Variants in ACTR3C observed in about 807,000 individuals in gnomAD.
The protein encoded by ACTR3C is actin related protein 3C, also known as actin-related protein 3C.
A neutral mutation model predicts 26.3 loss-of-function variants in ACTR3C; 18 were observed. The ratio of observed to expected loss-of-function variants is 0.68; its 90% CI spans 0.47 to 1.01. The LOEUF is 1.01. Among genes scored for constraint, ACTR3C ranks in the 50% least tolerant of loss-of-function variants. The pLI is 0.00. For synonymous variants in ACTR3C, 55 were observed against 94.5 expected, an observed-to-expected ratio of 0.58 and a Z score of 2.42; for missense variants, 184 against 250.7, an observed-to-expected ratio of 0.73 and a Z score of 1.80.
At chr7:149,883,892 C>T in the ACTR3C span, among the ~76,000 whole-genome samples, 4 of 152,128 alleles carry the variant, frequency 2.6e-5, no homozygotes, top group South Asian at 2.1e-4. Context: ...CTTCCCGAAC[C>T]GTCTTCTGGT....
chr7:150,118,197 T>C, the ACTR3C span, among the ~76,000 whole-genome samples: 1 of 151,968 alleles, frequency 6.6e-6, no homozygotes, highest in African/African-American at 2.4e-5. Flanking sequence ...GGATCACAAC[T>C]CCTCACCAGC....
At chr7:149,962,359 G>C in the ACTR3C span, among the ~76,000 whole-genome samples, 2 of 152,198 alleles carry the variant, frequency 1.3e-5, no homozygotes, top group Non-Finnish European at 2.9e-5. Flanking sequence ...GATTGTGCAA[G>C]GCTTCTTGAG....
the ACTR3C span, among the ~76,000 whole-genome samples, chr7:150,097,158 A>G: frequency 2.0e-5 from 3 of 151,908 alleles, no homozygotes; most frequent in Admixed American, 1.3e-4. Flanking sequence ...AGCAATAGCT[A>G]TATGATACAC....
the ACTR3C span, among the ~76,000 whole-genome samples, chr7:149,956,697 C>A: frequency 6.0e-5 from 9 of 150,998 alleles, no homozygotes; most frequent in Non-Finnish European, 1.0e-4. Flanking sequence ...TCTCTGGTTG[C>A]AGTAGGTTAG....
chr7:149,902,727 A>G, the ACTR3C span, among the ~76,000 whole-genome samples: 1 of 85,104 alleles, frequency 1.2e-5, no homozygotes, highest in Non-Finnish European at 2.9e-5. Context: ...GGAGGATTGC[A>G]TGAGCCCACA....
the ACTR3C span, among the ~76,000 whole-genome samples, chr7:150,229,224 A>C: frequency 6.6e-6 from 1 of 151,790 alleles, no homozygotes; most frequent in Admixed American, 6.6e-5. Flanking sequence ...TATGATGTTG[A>C]ATAGGAGTGG....
chr7:150,292,720 T>C lies in ACTR3C; in HGVS notation c.153+592A>G, dbSNP rs529757103. On this transcript the variant is annotated intron_variant, in intron 3 of 7. Coordinates refer to ENST00000683684, the MANE Select transcript of ACTR3C (RefSeq NM_001164458.2). ...CCATGTTGGTCAGGCAGGTCTCGAA[T>C]TCCCGACCTCAGGTGATCCGCCCGC... 1.2e-3 allele frequency among the ~76,000 whole-genome samples: 179 copies of C among 152,258 alleles called. 5 individuals carry two copies. The South Asian group carries it at 0.036, about 31-fold the overall frequency.
At chr7:149,942,250 AATCAC>A in the ACTR3C span, among the ~76,000 whole-genome samples, 1 of 152,210 alleles carries the variant, frequency 6.6e-6, no homozygotes, top group Non-Finnish European at 1.5e-5. Flanking sequence ...AAATCACATA[AATCAC>A]ATCACCTTAG....
the ACTR3C span, among the ~76,000 whole-genome samples, chr7:150,162,661 A>G: frequency 2.6e-5 from 4 of 152,158 alleles, no homozygotes; most frequent in South Asian, 2.1e-4. Flanking sequence ...GCACCATCCT[A>G]ATATTTTTCT....
At chr7:150,112,468 C>G in the ACTR3C span, among the ~76,000 whole-genome samples, 1 of 152,192 alleles carries the variant, frequency 6.6e-6, no homozygotes, top group Non-Finnish European at 1.5e-5. Context: ...GGGTCGCAAC[C>G]AGGAGGGCCA....
chr7:150,186,733 C>A, the ACTR3C span, among the ~76,000 whole-genome samples: 14 of 152,266 alleles, frequency 9.2e-5, no homozygotes, highest in Admixed American at 3.3e-4. Context: ...GTACGTTCTT[C>A]AGATCCCAAA....
chr7:150,230,832 C>A, the ACTR3C span, among the ~76,000 whole-genome samples: 1 of 151,904 alleles, frequency 6.6e-6, no homozygotes, highest in Non-Finnish European at 1.5e-5. Flanking sequence ...GTAGCTATGA[C>A]CCTGTTTTCA....
chr7:149,987,337 G>A, the ACTR3C span, among the ~76,000 whole-genome samples: 3 of 151,264 alleles, frequency 2.0e-5, no homozygotes, highest in Admixed American at 2.0e-4. Context: ...AGGCTGAGGC[G>A]GGTGGATCAC....
chr7:150,083,488 G>A, the ACTR3C span, among the ~76,000 whole-genome samples: 4 of 152,030 alleles, frequency 2.6e-5, no homozygotes, highest in African/African-American at 4.8e-5. Flanking sequence ...GAACACTTGC[G>A]TTTAGGAGGT....
chr7:150,180,290 G>C, the ACTR3C span, among the ~76,000 whole-genome samples: 2 of 149,926 alleles, frequency 1.3e-5, no homozygotes, highest in East Asian at 3.9e-4. Flanking sequence ...GGGCGACAGA[G>C]CGAGACTCCA....
In ACTR3C at chr7:150,323,473, C is replaced by G. The variant is rs1405155626; in HGVS notation, c.-56G>C. 7.4e-6 allele frequency: 3 copies of G among 406,626 alleles called. No homozygotes were observed. Among genetic ancestry groups the G allele is most frequent in the East Asian group, 9.8e-5 (1 of 10,156 alleles). The allele number at this position is 406,626 out of a possible 1,614,324, so 25.2% of individuals were successfully genotyped here. A position where few individuals can be genotyped will look rare whatever the true frequency, so the allele number is the denominator to read the frequency against. ...CGGCGGGGCTGCGGCTCTTACCTGCCGAGGAGGCGCCGGCTCTGCGGTGCG... is the reference window on the plus strand; with the variant it reads ...CGGCGGGGCTGCGGCTCTTACCTGCGGAGGAGGCGCCGGCTCTGCGGTGCG... On this transcript the variant is annotated 5_prime_UTR_variant, in exon 1 of 8. Coordinates refer to ENST00000683684, the MANE Select transcript of ACTR3C (RefSeq NM_001164458.2).
chr7:150,174,744 C>T, the ACTR3C span, among the ~76,000 whole-genome samples: 7 of 142,526 alleles, frequency 4.9e-5, no homozygotes, highest in East Asian at 7.8e-4. Flanking sequence ...CTAAAAAAGC[C>T]TTTTCACAAA....
chr7:150,281,795 T>G (rs965793253), intron 6 of ACTR3C, among the ~76,000 whole-genome samples: 1 of 151,498 alleles, frequency 6.6e-6, no homozygotes, highest in African/African-American at 2.4e-5. Context: ...CCTGCTTTTG[T>G]AAATAAAACT....
chr7:150,148,193 A>G, the ACTR3C span, among the ~76,000 whole-genome samples: 1 of 151,936 alleles, frequency 6.6e-6, no homozygotes, highest in Non-Finnish European at 1.5e-5. Flanking sequence ...GAAAAAAAAA[A>G]AAAGGCCAGG....
Sources: allele counts gnomAD v4.1 joint callset (sites outside exome capture counted in the v4.1 genomes callset), GRCh38; gene constraint gnomAD v4.1.1; transcripts MANE v1.5; gene names NCBI Gene and HGNC (gene_info 2026-07-23, HGNC 2026-07-21).